The following CTNNA2 variants were observed in gnomAD, a reference collection of about 807,000 sequenced individuals.
CTNNA2 encodes catenin alpha 2.
Under a neutral mutation model 101.0 loss-of-function variants are expected in CTNNA2, and 42 were observed. The observed-to-expected ratio is 0.42, with a 90% confidence interval of 0.32 to 0.54. The LOEUF (loss-of-function observed/expected upper bound fraction) is 0.54, where lower values mean the gene tolerates loss of function less well. CTNNA2 is among the 20% of genes least tolerant of loss of function. The pLI, the probability that CTNNA2 is intolerant of heterozygous loss-of-function variation, is 0.14. For missense variants in CTNNA2, 871 were observed against 1,223.1 expected, an observed-to-expected ratio of 0.71 and a Z score of 4.29; for synonymous variants, 450 against 456.4, an observed-to-expected ratio of 0.99 and a Z score of 0.18.
At chr2:79,981,319 A>G (rs548132089) in intron 7 of CTNNA2, among the ~76,000 whole-genome samples, 55 of 152,300 alleles carry the variant, frequency 3.6e-4, no homozygotes, top group African/African-American at 1.3e-3. Flanking sequence ...TGATCCGGTT[A>G]CCTACTTGCA....
intron 9 of CTNNA2, among the ~76,000 whole-genome samples, chr2:80,444,640 A>T (rs1180184750): frequency 6.6e-6 from 1 of 152,130 alleles, no homozygotes; most frequent in East Asian, 1.9e-4. Flanking sequence ...GGAGATAATA[A>T]GGTTTAGATG....
chr2:80,328,251 G>A (rs940350833), intron 7 of CTNNA2: 3 of 470,694 alleles, frequency 6.4e-6, no homozygotes, highest in African/African-American at 4.0e-5. Flanking sequence ...AGCATGATCA[G>A]TTCCTCATTA....
At chr2:80,210,698 G>C (rs1346072206) in intron 7 of CTNNA2, among the ~76,000 whole-genome samples, 1 of 152,178 alleles carries the variant, frequency 6.6e-6, no homozygotes, top group Non-Finnish European at 1.5e-5. Context: ...CTTTATAGCA[G>C]CATGATTTAT....
chr2:80,383,663 G>A (rs1374434367), intron 7 of CTNNA2, among the ~76,000 whole-genome samples: 4 of 152,044 alleles, frequency 2.6e-5, no homozygotes, highest in African/African-American at 9.7e-5. Context: ...ACCAATATGA[G>A]CCTATAAAGA....
chr2:80,403,639 A>C (rs546227322), intron 8 of CTNNA2, among the ~76,000 whole-genome samples: 6 of 152,324 alleles, frequency 3.9e-5, no homozygotes, highest in African/African-American at 1.2e-4. Context: ...ATGTTTACTG[A>C]TGCACATATG....
At position 79,364,757 on chromosome 2, in the gene CTNNA2, G is replaced by A. The variant is rs540049746; in HGVS notation, c.-317-9074G>A. 5.9e-5 allele frequency among the ~76,000 whole-genome samples: 9 copies of A among 152,280 alleles called. No homozygotes were observed. The East Asian group carries it at 1.7e-3, about 29-fold the overall frequency. On this transcript the variant is annotated intron_variant, in intron 3 of 21. Coordinates refer to the CTNNA2 transcript ENST00000466387. ...CATCAACTGTACTTTTATGTCAAAA[G>A]TAGATTTCTCATGTTAACTAAAGAC...
At chr2:80,349,191 A>G (rs1398838256) in intron 7 of CTNNA2, among the ~76,000 whole-genome samples, 1 of 152,148 alleles carries the variant, frequency 6.6e-6, no homozygotes, top group African/African-American at 2.4e-5. Context: ...CTGTCTGAAA[A>G]TGCAGAGTCT....
chr2:79,303,477 C>T (rs931561020), intron 2 of CTNNA2, among the ~76,000 whole-genome samples: 6 of 152,120 alleles, frequency 3.9e-5, no homozygotes, highest in African/African-American at 9.7e-5. Flanking sequence ...TATTTACAAG[C>T]GTGTCTTTCA....
intron 9 of CTNNA2, among the ~76,000 whole-genome samples, chr2:80,481,004 C>T (rs1369426114): frequency 6.6e-6 from 1 of 152,098 alleles, no homozygotes; most frequent in African/African-American, 2.4e-5. Flanking sequence ...TCTTTTGAGC[C>T]ACTTCTGAGT....
chr2:80,544,468 C>T (rs1691862466), intron 9 of CTNNA2, among the ~76,000 whole-genome samples: 1 of 151,986 alleles, frequency 6.6e-6, no homozygotes, highest in Non-Finnish European at 1.5e-5. Flanking sequence ...TAACAGCTGG[C>T]CTCTAATAAT....
At chr2:80,518,496 C>A (rs927904591) in intron 9 of CTNNA2, among the ~76,000 whole-genome samples, 4 of 152,092 alleles carry the variant, frequency 2.6e-5, no homozygotes, top group African/African-American at 4.8e-5. Flanking sequence ...TGTTGAAATG[C>A]ACAGAAGTTA....
At chr2:79,349,166 AG>A (rs1677328253) in intron 3 of CTNNA2, among the ~76,000 whole-genome samples, 4 of 152,216 alleles carry the variant, frequency 2.6e-5, no homozygotes, top group African/African-American at 2.4e-5. Context: ...TATGCAGGCA[AG>A]AGTGAAATGT....
At chr2:79,708,506 C>G (rs1464129572) in intron 2 of CTNNA2, among the ~76,000 whole-genome samples, 1 of 152,040 alleles carries the variant, frequency 6.6e-6, no homozygotes, top group Non-Finnish European at 1.5e-5. Context: ...AATCTTTTGT[C>G]TATGCTTTCA....
At chr2:80,393,928 G>C (rs1470769940) in intron 8 of CTNNA2, among the ~76,000 whole-genome samples, 2 of 152,094 alleles carry the variant, frequency 1.3e-5, no homozygotes, top group South Asian at 2.1e-4. Flanking sequence ...TTAGAACCCT[G>C]ATTTTATATG....
At chr2:80,278,347 C>T (rs1177087365) in intron 7 of CTNNA2, among the ~76,000 whole-genome samples, 3 of 152,134 alleles carry the variant, frequency 2.0e-5, no homozygotes, top group Non-Finnish European at 4.4e-5. Context: ...GTGCTGGCAA[C>T]TTGAGCTAGG....
intron 4 of CTNNA2, among the ~76,000 whole-genome samples, chr2:79,421,550 A>G (rs549128824): frequency 1.2e-4 from 19 of 152,304 alleles, no homozygotes; most frequent in African/African-American, 4.6e-4. Flanking sequence ...GATGGCTAAT[A>G]CCTTGATGAC....
chr2:79,237,405 T>C (rs1674570788), intron 2 of CTNNA2, among the ~76,000 whole-genome samples: 2 of 152,208 alleles, frequency 1.3e-5, no homozygotes, highest in Non-Finnish European at 2.9e-5. Flanking sequence ...GCAGAATAGA[T>C]TGAGCACAAT....
rs895202973 is a variant in CTNNA2 at position 79,815,460 on chromosome 2, T to C, written c.299-42553T>C. Among the ~76,000 whole-genome samples the C allele has an allele frequency of 1.4e-5, 2 of 147,302 alleles. 1 individual carries two copies. The highest frequency in any genetic ancestry group is 4.3e-4 in the South Asian group (2 of 4,652). On this transcript the variant is annotated intron_variant, in intron 3 of 18. Transcript: ENST00000402739. ...GTTGATTTTTGTATAAGGTGAGAAA[T>C]GAGGATCCAGTTTCATGTGGCTAGC...
At chr2:80,111,537 A>G (rs1701208682) in intron 7 of CTNNA2, among the ~76,000 whole-genome samples, 1 of 152,076 alleles carries the variant, frequency 6.6e-6, no homozygotes, top group African/African-American at 2.4e-5. Context: ...TGTTGAGGTA[A>G]AATATTTCTT....
Sources: allele counts gnomAD v4.1 joint callset (sites outside exome capture counted in the v4.1 genomes callset), GRCh38; gene constraint gnomAD v4.1.1; transcripts MANE v1.5; gene names NCBI Gene and HGNC (gene_info 2026-07-23, HGNC 2026-07-21).